Variants in STRN observed in about 807,000 individuals in gnomAD.
STRN encodes the protein protein phosphatase 2 regulatory subunit B'''alpha.
STRN carries 53 observed loss-of-function variants against 96.3 expected under a neutral mutation model. The observed-to-expected ratio is 0.55, with a 90% confidence interval of 0.44 to 0.69. The LOEUF is 0.69. STRN is among the 30% of genes least tolerant of loss of function. The pLI is 0.00. For missense variants in STRN, 987 were observed against 963.9 expected, an observed-to-expected ratio of 1.02 and a Z score of -0.32; for synonymous variants, 428 against 355.9, an observed-to-expected ratio of 1.20 and a Z score of -2.28.
intron 2 of STRN, among the ~76,000 whole-genome samples, chr2:36,922,391 T>C (rs1266329507): frequency 2.6e-5 from 4 of 151,898 alleles, no homozygotes; most frequent in Admixed American, 1.3e-4. Context: ...GACTGGAGTA[T>C]ATCTGTATTC....
rs750170286 is a variant in STRN at position 36,966,463 on chromosome 2, T to TGGCGGCCGCAGATACCCGGGG, written c.-21_-1dup. The TGGCGGCCGCAGATACCCGGGG allele has an allele frequency of 6.9e-7, 1 of 1,449,700 alleles. No homozygotes were observed. The highest frequency in any genetic ancestry group is 1.4e-5 in the South Asian group (1 of 73,520). 89.8% of individuals were successfully genotyped at this position (1,449,700 alleles called of 1,614,324 possible). On this transcript the variant is annotated 5_prime_UTR_variant, in exon 1 of 18. Coordinates refer to ENST00000263918, the MANE Select transcript of STRN (RefSeq NM_003162.4). Reference sequence around the variant, plus strand: ...ACGCCGGGACCCGCCTGCTCGTCCATGGCGGCCGCAGATACCCGGGGAGCT... The same window carrying TGGCGGCCGCAGATACCCGGGG: ...ACGCCGGGACCCGCCTGCTCGTCCATGGCGGCCGCAGATACCCGGGGGGCGGCCGCAGATACCCGGGGAGCT...
intron 2 of STRN, among the ~76,000 whole-genome samples, chr2:36,923,870 A>C (rs1039270072): frequency 6.6e-6 from 1 of 152,210 alleles, no homozygotes; most frequent in Non-Finnish European, 1.5e-5. Flanking sequence ...GTCGACAAAA[A>C]AATCCAAGGC....
At chr2:36,900,189 T>C (rs1180366719) in intron 5 of STRN, among the ~76,000 whole-genome samples, 1 of 152,154 alleles carries the variant, frequency 6.6e-6, no homozygotes, top group African/African-American at 2.4e-5. Context: ...GCCACTCGTA[T>C]CTATTTAGAT....
chr2:36,876,287 T>C (rs1469414438), intron 10 of STRN, among the ~76,000 whole-genome samples: 1 of 150,838 alleles, frequency 6.6e-6, no homozygotes, highest in African/African-American at 2.4e-5. Context: ...AAAAAAAAAT[T>C]TTTTTTTTGT....
intron 1 of STRN, among the ~76,000 whole-genome samples, chr2:36,930,514 A>G (rs1670544620): frequency 6.6e-6 from 1 of 152,068 alleles, no homozygotes; most frequent in Non-Finnish European, 1.5e-5. Context: ...TTAAAACACA[A>G]TTTTTTAGGT....
intron 1 of STRN, among the ~76,000 whole-genome samples, chr2:36,951,031 G>C (rs901115527): frequency 2.6e-5 from 4 of 152,056 alleles, no homozygotes; most frequent in Admixed American, 2.0e-4. Flanking sequence ...ATGATAACTA[G>C]ATATTTAAAA....
intron 5 of STRN, among the ~76,000 whole-genome samples, chr2:36,901,654 A>G (rs564321140): frequency 2.0e-5 from 3 of 152,238 alleles, no homozygotes; most frequent in South Asian, 2.1e-4. Context: ...CACACAGTCT[A>G]TATCTATAGA....
chr2:36,946,830 G>A (rs1670997825), intron 1 of STRN, among the ~76,000 whole-genome samples: 1 of 151,906 alleles, frequency 6.6e-6, no homozygotes, highest in African/African-American at 2.4e-5. Flanking sequence ...TAAAAAAGTT[G>A]ATAGTTTCTA....
At chr2:36,886,203 T>C (rs1669222033) in intron 8 of STRN, among the ~76,000 whole-genome samples, 1 of 152,170 alleles carries the variant, frequency 6.6e-6, no homozygotes, top group Non-Finnish European at 1.5e-5. Context: ...TTAGAAGTTA[T>C]ATATTTGACT....
intron 3 of STRN, 134 bp from the exon 4 acceptor site, chr2:36,905,752 A>G: frequency 1.5e-6 from 1 of 686,234 alleles, no homozygotes; most frequent in South Asian, 2.0e-5. Flanking sequence ...ATGTGTTAGG[A>G]TAATGTAAGT....
intron 2 of STRN, among the ~76,000 whole-genome samples, chr2:36,916,523 G>A (rs1176743188): frequency 6.6e-6 from 1 of 150,922 alleles, no homozygotes; most frequent in Non-Finnish European, 1.5e-5. Context: ...TTTGGATTGT[G>A]AAATAAATTT....
chr2:36,954,328 T>C (rs1425129922), intron 1 of STRN, among the ~76,000 whole-genome samples: 2 of 151,842 alleles, frequency 1.3e-5, no homozygotes, highest in African/African-American at 4.8e-5. Context: ...CTGGCCAATA[T>C]GGCAAAACCC....
chr2:36,878,010 G>T lies in STRN; in HGVS notation c.1204C>A (p.Pro402Thr), dbSNP rs201560199. The T allele has an allele frequency of 6.2e-7, 1 of 1,614,012 alleles. No individual in the cohort carries two copies. Among genetic ancestry groups the T allele is most frequent in the African/African-American group, 1.3e-5 (1 of 75,016 alleles). The stretch of plus-strand genomic sequence containing the variant: ...ATGAATGACTTTCCAGAAGAAGGAG[G>T]AAATGTCAATGCTTCCACTGAAGAG... ...RADEVEALTF[P>T]PSSGKSFIMG... The change falls in exon 10 of 18, where the codon CCT becomes ACT. Residue 402 changes from proline to threonine, a missense_variant. By Grantham distance (38) the Pro-to-Thr change is conservative. Coordinates refer to ENST00000263918, the MANE Select transcript of STRN (RefSeq NM_003162.4).
chr2:36,888,639 A>ATG (rs70946958), intron 7 of STRN, among the ~76,000 whole-genome samples: 15,602 of 145,094 alleles, frequency 0.11, 966 homozygotes, highest in East Asian at 0.29. Context: ...TTTAATTTAT[A>ATG]TGTGTGTGTG....
At chr2:36,926,404 C>T (rs1240165279) in intron 1 of STRN, among the ~76,000 whole-genome samples, 2 of 152,180 alleles carry the variant, frequency 1.3e-5, no homozygotes, top group East Asian at 3.8e-4. Flanking sequence ...GTCTATTATA[C>T]TGACCCACTA....
chr2:36,905,422 T>C, intron 4 of STRN, 118 bp downstream of exon 4: 2 of 883,002 alleles, frequency 2.3e-6, no homozygotes, highest in Middle Eastern at 2.3e-4. Flanking sequence ...ATTAAGCTTT[T>C]TCACAGCATC....
At chr2:36,966,067 G>C (rs1431253599) in intron 1 of STRN, among the ~76,000 whole-genome samples, 163 bp downstream of exon 1, 1 of 150,904 alleles carries the variant, frequency 6.6e-6, no homozygotes, top group African/African-American at 2.4e-5. Context: ...GTCAGCGAAA[G>C]GCAAAAGGCG....
intron 3 of STRN, among the ~76,000 whole-genome samples, chr2:36,914,973 G>A (rs1000109963): frequency 1.7e-4 from 26 of 151,800 alleles, no homozygotes; most frequent in African/African-American, 5.8e-4. Context: ...GAGGGGGGGC[G>A]GATCCCGAGG....
intron 12 of STRN, among the ~76,000 whole-genome samples, chr2:36,862,678 T>C (rs1447382802): frequency 2.0e-5 from 3 of 152,140 alleles, no homozygotes; most frequent in African/African-American, 7.2e-5. Flanking sequence ...CGCATGTATG[T>C]CTTCTTTTGG....
Sources: gnomAD v4.1 joint callset for allele counts (sites outside exome capture counted in the v4.1 genomes callset) on GRCh38, gnomAD v4.1.1 for gene constraint, MANE v1.5 for transcripts, NCBI Gene and HGNC (gene_info 2026-07-23, HGNC 2026-07-21) for gene names.